Variants in BRINP1 observed in about 807,000 individuals in gnomAD.
BRINP1 encodes the protein BMP/retinoic acid-inducible neural-specific protein 1.
In BRINP1, 17 loss-of-function variants were observed where a neutral mutation model predicts 72.9. The ratio of observed to expected loss-of-function variants is 0.23; its 90% CI spans 0.16 to 0.35. The LOEUF (loss-of-function observed/expected upper bound fraction) is 0.35. BRINP1 is among the 10% of genes least tolerant of loss of function. BRINP1 has a pLI of 1.00. For missense variants in BRINP1, 850 were observed against 1,001.6 expected (o/e 0.85, Z 2.04); for synonymous variants, 418 against 378.5 (o/e 1.10, Z -1.21).
At chr9:119,205,404 A>G (rs571715186) in intron 7 of BRINP1, among the ~76,000 whole-genome samples, 21 of 152,174 alleles carry the variant, frequency 1.4e-4, no homozygotes, top group East Asian at 1.9e-4. Flanking sequence ...AGAGACGGCA[A>G]CACTGTGAGC....
intron 2 of BRINP1, among the ~76,000 whole-genome samples, chr9:119,251,670 C>CGTT (rs1271324346): frequency 1.7e-5 from 1 of 60,450 alleles, no homozygotes; most frequent in Non-Finnish European, 4.2e-5. Flanking sequence ...ATACAGAAAA[C>CGTT]ATTGAGAAGG....
In BRINP1 at chr9:119,261,837, C is replaced by G. The variant is rs1324323138; in HGVS notation, c.219-12687G>C. Among the ~76,000 whole-genome samples, 20 of 149,502 alleles carry G rather than the reference C, an allele frequency of 1.3e-4. No individual in the cohort carries two copies. In the Admixed American group the frequency reaches 1.3e-3, roughly 10 times the overall value. ...TTCCTTCGTTTATTCTTTCTTCTTT[C>G]TTTCTCCTCTCTTCTCTTTTCCTCG... On this transcript the variant is annotated intron_variant, in intron 2 of 7. Transcript: ENST00000265922.
intron 6 of BRINP1, among the ~76,000 whole-genome samples, chr9:119,213,003 T>C (rs148914783): frequency 7.3e-5 from 11 of 151,600 alleles, no homozygotes; most frequent in African/African-American, 1.5e-4. Flanking sequence ...TATCTGCACA[T>C]TTCCAGTTTT....
chr9:119,313,525 TC>T, intron 1 of BRINP1, 120 bp from the exon 2 acceptor site: 1 of 831,108 alleles, frequency 1.2e-6, no homozygotes, highest in Non-Finnish European at 1.8e-6. Flanking sequence ...TAACACATCT[TC>T]ATAATAATAC....
chr9:119,238,060 G>C (rs118145211), intron 5 of BRINP1, among the ~76,000 whole-genome samples: 1,785 of 152,008 alleles, frequency 0.012, 21 homozygotes, highest in Middle Eastern at 0.027. Context: ...CATATTATTG[G>C]AAATTCTTTA....
intron 5 of BRINP1, among the ~76,000 whole-genome samples, chr9:119,216,098 T>C (rs1234847619): frequency 6.6e-6 from 1 of 152,212 alleles, no homozygotes; most frequent in Non-Finnish European, 1.5e-5. Context: ...GATGACGATA[T>C]TGATGATGAT....
At chr9:119,273,852 C>T (rs1274922329) in intron 2 of BRINP1, among the ~76,000 whole-genome samples, 1 of 152,162 alleles carries the variant, frequency 6.6e-6, no homozygotes, top group Non-Finnish European at 1.5e-5. Context: ...TCCTTGTCCA[C>T]GTTCACCCAG....
intron 4 of BRINP1, 100 bp from the exon 5 acceptor site, chr9:119,238,860 G>A (rs41273917): frequency 5.5e-6 from 4 of 722,266 alleles, no homozygotes; most frequent in Non-Finnish European, 6.8e-6. Context: ...TGCAGAAAAG[G>A]CCTCCTGGTT....
chr9:119,267,389 C>T (rs933959268), intron 2 of BRINP1, among the ~76,000 whole-genome samples: 2 of 152,142 alleles, frequency 1.3e-5, no homozygotes, highest in African/African-American at 2.4e-5. Context: ...AATCCCAGAA[C>T]TCTGGGAGCC....
At position 119,167,204 on chromosome 9, in the gene BRINP1, A is replaced by G. The variant is rs1829325562; in HGVS notation, c.2166T>C (p.Cys722=). The G allele has an allele frequency of 6.2e-7, 1 of 1,613,970 alleles. No homozygotes were observed. Among genetic ancestry groups the G allele is most frequent in the African/African-American group, 1.3e-5 (1 of 74,886 alleles). ...TCAGTTTCAGGCGGTGTTTCAGCAT[A>G]CAGGAGAACAAGTCCAGCTGGGGTT... is the stretch of plus-strand genomic sequence containing the variant. ...PGKPQLDLFS[C]MLKHRLKLTN... The change falls in exon 8 of 8, where the codon TGT becomes TGC. Residue 722 remains cysteine (C), a synonymous_variant. Coordinates refer to ENST00000265922, the MANE Select transcript of BRINP1 (RefSeq NM_014618.3). This position sits in a 1 kb window ranked among gnomAD's most constrained non-coding sequence, Gnocchi z 4.3.
intron 7 of BRINP1, among the ~76,000 whole-genome samples, chr9:119,189,304 T>C (rs934168568): frequency 3.3e-5 from 5 of 152,040 alleles, no homozygotes; most frequent in Admixed American, 1.3e-4. Flanking sequence ...AATTACCCAA[T>C]ATCAGTAGTA....
At chr9:119,234,019 T>C (rs1564224357) in intron 5 of BRINP1, among the ~76,000 whole-genome samples, 1 of 152,240 alleles carries the variant, frequency 6.6e-6, no homozygotes, top group Non-Finnish European at 1.5e-5. Context: ...TGTATGAATG[T>C]ATGACAATTT....
intron 5 of BRINP1, among the ~76,000 whole-genome samples, chr9:119,230,126 A>G (rs1016854313): frequency 6.6e-6 from 1 of 152,060 alleles, no homozygotes; most frequent in Non-Finnish European, 1.5e-5. Context: ...AGTGCAGGGC[A>G]ATAAAAAAAT....
chr9:119,296,612 C>A (rs1830881014), intron 2 of BRINP1, among the ~76,000 whole-genome samples: 1 of 152,162 alleles, frequency 6.6e-6, no homozygotes, highest in East Asian at 1.9e-4. Flanking sequence ...ATGGAATCCA[C>A]ATAAATGTCC....
chr9:119,324,645 G>A (rs1466426080), intron 1 of BRINP1, among the ~76,000 whole-genome samples: 1 of 152,180 alleles, frequency 6.6e-6, no homozygotes, highest in Non-Finnish European at 1.5e-5. Flanking sequence ...TATCATTAAT[G>A]CTGACCCTTG....
chr9:119,171,748 C>CAAATGTAAAAG (rs1829413036), intron 7 of BRINP1, among the ~76,000 whole-genome samples: 1 of 117,808 alleles, frequency 8.5e-6, no homozygotes, highest in Non-Finnish European at 1.7e-5. Flanking sequence ...CTCTCCTCAG[C>CAAATGTAAAAG]AAATGTAAAA....
intron 2 of BRINP1, among the ~76,000 whole-genome samples, chr9:119,262,444 C>T (rs918033526): frequency 1.3e-5 from 2 of 150,718 alleles, no homozygotes; most frequent in Admixed American, 6.6e-5. Flanking sequence ...CCAGCCTGGC[C>T]AATATGGTGA....
intron 2 of BRINP1, among the ~76,000 whole-genome samples, chr9:119,252,486 G>A (rs903202207): frequency 1.1e-4 from 16 of 151,378 alleles, no homozygotes; most frequent in African/African-American, 3.4e-4. Flanking sequence ...ATAATTATGA[G>A]GTTATATATA....
In BRINP1 at chr9:119,184,749, T is replaced by C. The variant is rs146327459; in HGVS notation, c.1146-16525A>G. On this transcript the variant is annotated intron_variant, in intron 7 of 7. Coordinates refer to ENST00000265922, the MANE Select transcript of BRINP1 (RefSeq NM_014618.3). The stretch of plus-strand genomic sequence containing the variant: ...GATGAGAAACAGAGTCCAGGGACAT[T>C]AAGTAATCTGCTTGCAGTCACACGA... Among the ~76,000 whole-genome samples the C allele has an allele frequency of 7.8e-4, 119 of 152,230 alleles. 2 individuals carry two copies. The East Asian group carries it at 0.014, about 18-fold the overall frequency.
Sources: allele counts gnomAD v4.1 joint callset (sites outside exome capture counted in the v4.1 genomes callset), GRCh38; gene constraint gnomAD v4.1.1; non-coding constraint Gnocchi (gnomAD v3.1); transcripts MANE v1.5; gene names NCBI Gene and HGNC (gene_info 2026-07-23, HGNC 2026-07-21).